The following NT5DC1 variants were observed in gnomAD, a reference collection of about 807,000 sequenced individuals.
NT5DC1 encodes 5'-nucleotidase domain containing 1.
In NT5DC1, 42 loss-of-function variants were observed where a neutral mutation model predicts 59.4. The observed-to-expected ratio is 0.71, with a 90% CI of 0.55 to 0.92. The LOEUF (loss-of-function observed/expected upper bound fraction) is 0.92, where lower values mean the gene tolerates loss of function less well. NT5DC1 is among the 40% of genes least tolerant of loss of function. The pLI is 0.00. For missense variants in NT5DC1, 501 were observed against 537.1 expected, an observed-to-expected ratio of 0.93 and a Z score of 0.66; for synonymous variants, 172 against 188.1, an observed-to-expected ratio of 0.91 and a Z score of 0.70.
chr6:116,208,006 A>C (rs1429538898), intron 6 of NT5DC1, among the ~76,000 whole-genome samples: 3 of 151,950 alleles, frequency 2.0e-5, no homozygotes, highest in Admixed American at 2.0e-4. Context: ...GGTTAGAAGA[A>C]ACACAGTGAA....
chr6:116,193,356 G>A (rs1462670648), intron 6 of NT5DC1, among the ~76,000 whole-genome samples: 1 of 152,044 alleles, frequency 6.6e-6, no homozygotes, highest in Non-Finnish European at 1.5e-5. Flanking sequence ...ACAAAAGGCA[G>A]GAAGAGCCCG....
chr6:116,112,778 A>G (rs1778904471), intron 4 of NT5DC1, among the ~76,000 whole-genome samples: 1 of 152,250 alleles, frequency 6.6e-6, no homozygotes, highest in Non-Finnish European at 1.5e-5. Context: ...TCCTAGAAGT[A>G]TACTTGCTCT....
chr6:116,124,311 T>A (rs866872457), intron 6 of NT5DC1, among the ~76,000 whole-genome samples: 1 of 152,152 alleles, frequency 6.6e-6, no homozygotes, highest in South Asian at 2.1e-4. Context: ...GGAAAGGGAG[T>A]TTGAAGCCTA....
intron 6 of NT5DC1, among the ~76,000 whole-genome samples, chr6:116,122,263 G>T (rs935286234): frequency 2.0e-5 from 3 of 152,156 alleles, no homozygotes; most frequent in Admixed American, 6.5e-5. Context: ...GGTAAATTTA[G>T]TACATTTATT....
intron 6 of NT5DC1, among the ~76,000 whole-genome samples, chr6:116,195,786 T>A (rs1781212074): frequency 6.6e-6 from 1 of 152,042 alleles, no homozygotes; most frequent in African/African-American, 2.4e-5. Flanking sequence ...TAAGCAAATT[T>A]AATGTGCACA....
At chr6:116,114,538 G>C (rs201974215) in intron 4 of NT5DC1, among the ~76,000 whole-genome samples, 6 of 140,278 alleles carry the variant, frequency 4.3e-5, no homozygotes, top group Admixed American at 7.1e-5. Context: ...TTGGGGGGAG[G>C]GGGGGGGAGT....
intron 6 of NT5DC1, among the ~76,000 whole-genome samples, chr6:116,175,730 T>C (rs1302419199): frequency 6.6e-6 from 1 of 152,210 alleles, no homozygotes; most frequent in East Asian, 1.9e-4. Flanking sequence ...ATCTTCCTCA[T>C]CTCAGATACT....
Position 116,165,839 on chromosome 6 carries a change from A to G in NT5DC1, c.529+47894A>G, listed in dbSNP as rs59969322. ...GTCAAGTCAGAGCAGGTTCTGGGCT[A>G]TGTTTGCAGGGTACTGGTGATTGCA... On this transcript the variant is annotated intron_variant, in intron 6 of 11. Transcript: ENST00000319550. Among the ~76,000 whole-genome samples the G allele has an allele frequency of 2.3e-3, 348 of 152,300 alleles. 1 individual carries two copies. The highest frequency in any genetic ancestry group is 7.9e-3 in the African/African-American group (330 of 41,566).
At chr6:116,161,836 G>T in intron 6 of NT5DC1, among the ~76,000 whole-genome samples, 1 of 152,154 alleles carries the variant, frequency 6.6e-6, no homozygotes, top group South Asian at 2.1e-4. Flanking sequence ...TCATTTTAAT[G>T]ACATTGATTC....
intron 6 of NT5DC1, among the ~76,000 whole-genome samples, chr6:116,160,249 C>T (rs1780296488): frequency 6.6e-6 from 1 of 152,136 alleles, no homozygotes; most frequent in African/African-American, 2.4e-5. Context: ...ATATACATTT[C>T]CTTTTCTCCA....
chr6:116,117,155 A>T (rs1778980109), intron 5 of NT5DC1, among the ~76,000 whole-genome samples: 1 of 152,190 alleles, frequency 6.6e-6, no homozygotes, highest in Non-Finnish European at 1.5e-5. Flanking sequence ...ATGCCATAGT[A>T]TGTTATATAA....
intron 6 of NT5DC1, among the ~76,000 whole-genome samples, chr6:116,134,581 A>G (rs961796290): frequency 5.9e-5 from 9 of 152,182 alleles, no homozygotes; most frequent in East Asian, 1.9e-4. Flanking sequence ...GGTTTGCCTC[A>G]TGCTTGTGGA....
At chr6:116,242,492 AAAAG>A (rs200878257) in intron 11 of NT5DC1, among the ~76,000 whole-genome samples, 2,075 of 152,150 alleles carry the variant, frequency 0.014, 21 homozygotes, top group Non-Finnish European at 0.019. Context: ...CAAAAAAAAA[AAAAG>A]AGAGAGAGAG....
At chr6:116,162,957 C>T (rs1195676571) in intron 6 of NT5DC1, among the ~76,000 whole-genome samples, 1 of 151,666 alleles carries the variant, frequency 6.6e-6, no homozygotes, top group Non-Finnish European at 1.5e-5. Flanking sequence ...GAAACCCCGT[C>T]TCTACTAAAT....
intron 11 of NT5DC1, among the ~76,000 whole-genome samples, chr6:116,241,944 C>CAAAAAAAAAAAAAAAAAAAAAACAAAA (rs1173659223): frequency 2.9e-5 from 1 of 34,416 alleles, no homozygotes; most frequent in Non-Finnish European, 4.4e-5. Context: ...AAAAACAAAA[C>CAAAAAAAAAAAAAAAAAAAAAACAAAA]AAAAAAAAAA....
chr6:116,156,853 C>G (rs1780207150), intron 6 of NT5DC1, among the ~76,000 whole-genome samples: 1 of 152,122 alleles, frequency 6.6e-6, no homozygotes, highest in Admixed American at 6.5e-5. Context: ...ACCCCACGGC[C>G]CCATTACATC....
chr6:116,209,632 A>G (rs1204783), intron 6 of NT5DC1, among the ~76,000 whole-genome samples: 64,490 of 151,628 alleles, frequency 0.43, 17,685 homozygotes, highest in African/African-American at 0.78. Flanking sequence ...AGCAGAGGGA[A>G]GGCAGAGTAT....
chr6:116,120,437 T>C (rs1446323988), intron 6 of NT5DC1: 1 of 1,614,244 alleles, frequency 6.2e-7, no homozygotes, highest in East Asian at 2.2e-5. Context: ...TGGGTAAGCT[T>C]TGGAGAGAAT....
rs1229305429 is a variant in NT5DC1 at position 116,212,839 on chromosome 6, T to G, written c.530-8215T>G. ...AGTGATAAGTATGTAGAATTTGCTT[T>G]AAATACTTGTTAATTTTGGATTTCT... On this transcript the variant is annotated intron_variant, in intron 6 of 11. Coordinates refer to ENST00000319550, the MANE Select transcript of NT5DC1 (RefSeq NM_152729.3). 3.9e-5 allele frequency among the ~76,000 whole-genome samples: 6 copies of G among 152,170 alleles called. No homozygotes were observed. In the East Asian group the frequency reaches 1.2e-3, roughly 29 times the overall value.
Sources: allele counts gnomAD v4.1 joint callset (sites outside exome capture counted in the v4.1 genomes callset), GRCh38; gene constraint gnomAD v4.1.1; transcripts MANE v1.5; gene names NCBI Gene and HGNC (gene_info 2026-07-23, HGNC 2026-07-21).